The following XKR4 variants were observed in gnomAD, a reference collection of about 807,000 sequenced individuals.
XKR4 encodes the protein XK-related protein 4.
XKR4 carries 12 observed loss-of-function variants against 53.9 expected under a neutral mutation model. The ratio of observed to expected loss-of-function variants is 0.22; its 90% CI spans 0.14 to 0.36. XKR4 has a LOEUF of 0.36. XKR4 is among the 10% of genes least tolerant of loss of function. XKR4 has a pLI of 1.00. For synonymous variants in XKR4, 354 were observed against 362.4 expected, an observed-to-expected ratio of 0.98 and a Z score of 0.26; for missense variants, 799 against 859.5, an observed-to-expected ratio of 0.93 and a Z score of 0.88.
Position 55,149,667 on chromosome 8 carries a change from T to A in XKR4, c.806+46373T>A, listed in dbSNP as rs1451154799. ...ATGCCCCAAGCTCTGGCCTTTGGAG[T>A]ATTTATAGCTTAGCTGAGCCCATAG... is the stretch of plus-strand genomic sequence containing the variant. On this transcript the variant is annotated intron_variant, in intron 1 of 2. Coordinates refer to ENST00000327381, the MANE Select transcript of XKR4 (RefSeq NM_052898.2). 3.9e-5 allele frequency among the ~76,000 whole-genome samples: 6 copies of A among 151,978 alleles called. No individual in the cohort carries two copies. The East Asian group carries it at 1.2e-3, about 29-fold the overall frequency.
intron 2 of XKR4, among the ~76,000 whole-genome samples, chr8:55,385,074 G>A (rs945209440): frequency 6.6e-6 from 1 of 152,108 alleles, no homozygotes; most frequent in Non-Finnish European, 1.5e-5. Flanking sequence ...TTTAAGTCAG[G>A]TAAAGAAGGA....
intron 1 of XKR4, among the ~76,000 whole-genome samples, chr8:55,288,248 G>A (rs1303501466): frequency 3.3e-5 from 5 of 152,104 alleles, no homozygotes; most frequent in South Asian, 2.1e-4. Flanking sequence ...ATTGCAATTC[G>A]GCTTTCAAGG....
chr8:55,134,068 T>A (rs1201807560), intron 1 of XKR4, among the ~76,000 whole-genome samples: 1 of 152,214 alleles, frequency 6.6e-6, no homozygotes, highest in Non-Finnish European at 1.5e-5. Context: ...ATTACTAAAT[T>A]TCAAAGTAAA....
intron 1 of XKR4, among the ~76,000 whole-genome samples, chr8:55,182,388 T>C (rs1817323290): frequency 6.6e-6 from 1 of 152,170 alleles, no homozygotes; most frequent in African/African-American, 2.4e-5. Context: ...AAAATAAAGA[T>C]AATACAGATT....
chr8:55,338,530 A>C (rs1803498065), intron 1 of XKR4, among the ~76,000 whole-genome samples: 1 of 152,256 alleles, frequency 6.6e-6, no homozygotes, highest in Admixed American at 6.5e-5. Context: ...CTTCCTGGTC[A>C]AGGGGTGCCC....
At chr8:55,468,089 C>T (rs1160130548) in intron 2 of XKR4, among the ~76,000 whole-genome samples, 1 of 152,034 alleles carries the variant, frequency 6.6e-6, no homozygotes, top group African/African-American at 2.4e-5. Context: ...TTTCCAGTTT[C>T]CATCACAGAA....
At chr8:55,223,477 C>G (rs570581423) in intron 1 of XKR4, among the ~76,000 whole-genome samples, 1 of 152,312 alleles carries the variant, frequency 6.6e-6, no homozygotes, top group South Asian at 2.1e-4. Flanking sequence ...ACATTTGACA[C>G]TTTAAGAAAG....
Position 55,398,839 on chromosome 8 carries a change from G to A in XKR4, c.1006+40962G>A, listed in dbSNP as rs139970732. On this transcript the variant is annotated intron_variant, in intron 2 of 2. Transcript: ENST00000327381. Reference sequence around the variant, plus strand: ...CATTGCAAGGGCAGCCAATGTGACCGTTTCCCTGGAGAGTTTTTAAGATTC... The same window carrying A: ...CATTGCAAGGGCAGCCAATGTGACCATTTCCCTGGAGAGTTTTTAAGATTC... 4.7e-4 allele frequency among the ~76,000 whole-genome samples: 72 copies of A among 152,300 alleles called. 1 individual carries two copies. The highest frequency in any genetic ancestry group is 1.3e-3 in the East Asian group (7 of 5,188).
chr8:55,273,326 TG>T (rs1818719553), intron 1 of XKR4, among the ~76,000 whole-genome samples: 1 of 152,226 alleles, frequency 6.6e-6, no homozygotes, highest in South Asian at 2.1e-4. Flanking sequence ...ACCTCCAAGC[TG>T]TCCTTATTCA....
At chr8:55,379,322 AC>A (rs1442817981) in intron 2 of XKR4, among the ~76,000 whole-genome samples, 1 of 152,150 alleles carries the variant, frequency 6.6e-6, no homozygotes, top group Non-Finnish European at 1.5e-5. Flanking sequence ...ATCCCCCAAT[AC>A]CAAAAAATTA....
At chr8:55,387,363 G>A (rs1463745596) in intron 2 of XKR4, among the ~76,000 whole-genome samples, 1 of 152,164 alleles carries the variant, frequency 6.6e-6, no homozygotes, top group South Asian at 2.1e-4. Context: ...GATCTACATT[G>A]GTTTTGACAG....
intron 1 of XKR4, among the ~76,000 whole-genome samples, chr8:55,109,560 C>T (rs1263712642): frequency 6.6e-6 from 1 of 151,966 alleles, no homozygotes; most frequent in African/African-American, 2.4e-5. Context: ...TGTGCATTTA[C>T]CTGGGTTTCT....
Position 55,213,665 on chromosome 8 carries a change from A to G in XKR4, c.806+110371A>G, listed in dbSNP as rs184648665. Among the ~76,000 whole-genome samples, 165 of 152,300 alleles carry G rather than the reference A, an allele frequency of 1.1e-3. 1 individual carries two copies. The highest frequency in any genetic ancestry group is 3.7e-3 in the African/African-American group (154 of 41,556). Reference sequence around the variant, plus strand: ...GTCATCTTTGTTTCAAAATTAAACGATAAACTAAGTTCCTCCCAAGGTAGT... The same window carrying G: ...GTCATCTTTGTTTCAAAATTAAACGGTAAACTAAGTTCCTCCCAAGGTAGT... On this transcript the variant is annotated intron_variant, in intron 1 of 2. Coordinates refer to ENST00000327381, the MANE Select transcript of XKR4 (RefSeq NM_052898.2).
At chr8:55,245,648 G>A (rs1818274848) in intron 1 of XKR4, among the ~76,000 whole-genome samples, 1 of 152,120 alleles carries the variant, frequency 6.6e-6, no homozygotes, top group African/African-American at 2.4e-5. Flanking sequence ...ATTTTCCACA[G>A]AAGCCTGCTG....
chr8:55,342,936 A>C (rs1803579182), intron 1 of XKR4, among the ~76,000 whole-genome samples: 2 of 149,128 alleles, frequency 1.3e-5, no homozygotes, highest in African/African-American at 5.0e-5. Flanking sequence ...TTGATCTCCA[A>C]GTAGGTGCTC....
chr8:55,416,403 T>G (rs1804846399), intron 2 of XKR4, among the ~76,000 whole-genome samples: 1 of 152,212 alleles, frequency 6.6e-6, no homozygotes, highest in African/African-American at 2.4e-5. Context: ...CCATGTAATC[T>G]TACCCTACCA....
intron 2 of XKR4, among the ~76,000 whole-genome samples, chr8:55,402,601 AATG>A (rs1262342550): frequency 6.6e-6 from 1 of 152,176 alleles, no homozygotes; most frequent in Non-Finnish European, 1.5e-5. Context: ...TTGTATTCAA[AATG>A]ATGAGAGACT....
At chr8:55,392,693 A>C (rs1319024778) in intron 2 of XKR4, among the ~76,000 whole-genome samples, 1 of 152,152 alleles carries the variant, frequency 6.6e-6, no homozygotes, top group Non-Finnish European at 1.5e-5. Context: ...CAGGAGGCTG[A>C]GGTAGAAGGA....
intron 1 of XKR4, among the ~76,000 whole-genome samples, chr8:55,318,406 TAGA>T (rs1053783351): frequency 1.3e-5 from 2 of 152,192 alleles, no homozygotes; most frequent in Non-Finnish European, 2.9e-5. Flanking sequence ...TACTATCAAC[TAGA>T]AGAAGTACAG....
Sources: allele counts gnomAD v4.1 joint callset (sites outside exome capture counted in the v4.1 genomes callset), GRCh38; gene constraint gnomAD v4.1.1; transcripts MANE v1.5; gene names NCBI Gene and HGNC (gene_info 2026-07-23, HGNC 2026-07-21).